Variants in NELL1 observed in about 807,000 individuals in gnomAD.
NELL1 encodes neural EGFL like 1.
In NELL1, 76 loss-of-function variants were observed where a neutral mutation model predicts 107.4. The ratio of observed to expected loss-of-function variants is 0.71; its 90% CI spans 0.59 to 0.86. The LOEUF is 0.86. Among genes scored for constraint, NELL1 ranks in the 40% least tolerant of loss-of-function variants. The pLI is 0.00. For synonymous variants in NELL1, 353 were observed against 341.2 expected (o/e 1.03, Z -0.38); for missense variants, 1,024 against 1,005.5 (o/e 1.02, Z -0.25).
At chr11:21,087,040 C>T (rs141496207) in intron 12 of NELL1, among the ~76,000 whole-genome samples, 1,936 of 152,036 alleles carry the variant, frequency 0.013, 19 homozygotes, top group Non-Finnish European at 0.02. Flanking sequence ...AGGGTTTCAC[C>T]GTGTTAGCCA....
chr11:21,564,050 G>A (rs1402580849), intron 17 of NELL1, among the ~76,000 whole-genome samples: 1 of 151,922 alleles, frequency 6.6e-6, no homozygotes, highest in African/African-American at 2.4e-5. Flanking sequence ...TGAGCCAGGA[G>A]ATTAAGGCTG....
chr11:21,074,246 C>T (rs953205408), intron 12 of NELL1, among the ~76,000 whole-genome samples: 55 of 152,230 alleles, frequency 3.6e-4, no homozygotes, highest in African/African-American at 1.3e-3. Context: ...TGCATATTAA[C>T]GAGACTCCTG....
chr11:21,364,093 A>C (rs1809766326), intron 14 of NELL1, among the ~76,000 whole-genome samples: 1 of 152,194 alleles, frequency 6.6e-6, no homozygotes, highest in South Asian at 2.1e-4. Flanking sequence ...GCAACATCTC[A>C]ATTTGAAGAT....
chr11:20,912,407 C>T (rs1850151713), intron 5 of NELL1, among the ~76,000 whole-genome samples: 1 of 152,258 alleles, frequency 6.6e-6, no homozygotes. Context: ...TTTTCATTAT[C>T]AGGATGGTTG....
At chr11:21,037,010 T>G (rs1853108841) in intron 12 of NELL1, among the ~76,000 whole-genome samples, 1 of 152,070 alleles carries the variant, frequency 6.6e-6, no homozygotes, top group African/African-American at 2.4e-5. Context: ...GTAGTAATTT[T>G]GGATTGTGAA....
intron 2 of NELL1, among the ~76,000 whole-genome samples, chr11:20,695,861 CT>C (rs1854601145): frequency 6.6e-6 from 1 of 151,720 alleles, no homozygotes; most frequent in Admixed American, 6.6e-5. Context: ...ACCAGCTTTT[CT>C]TTGTACATCT....
chr11:21,063,510 G>A (rs1264540066), intron 12 of NELL1, among the ~76,000 whole-genome samples: 2 of 151,984 alleles, frequency 1.3e-5, no homozygotes, highest in African/African-American at 4.8e-5. Context: ...CATTATCTAG[G>A]GGTCCACCAT....
chr11:21,204,318 T>A (rs1173053772), intron 13 of NELL1, among the ~76,000 whole-genome samples: 1 of 152,056 alleles, frequency 6.6e-6, no homozygotes, highest in Non-Finnish European at 1.5e-5. Flanking sequence ...CTTTTCATTC[T>A]TTTTTCTCTA....
intron 12 of NELL1, among the ~76,000 whole-genome samples, chr11:20,998,906 T>C (rs1852152919): frequency 6.6e-6 from 1 of 152,194 alleles, no homozygotes; most frequent in African/African-American, 2.4e-5. Flanking sequence ...TCAGCCTTTC[T>C]TAAAATGAAA....
intron 2 of NELL1, among the ~76,000 whole-genome samples, chr11:20,725,829 T>C (rs1402191225): frequency 1.3e-5 from 2 of 152,136 alleles, no homozygotes; most frequent in Non-Finnish European, 2.9e-5. Flanking sequence ...TGCTGAGGTT[T>C]GAAGTATGAA....
chr11:20,957,393 C>G (rs552168246), intron 11 of NELL1, among the ~76,000 whole-genome samples: 2 of 152,270 alleles, frequency 1.3e-5, no homozygotes, highest in South Asian at 2.1e-4. Context: ...TGATAGTTCC[C>G]TCAGACCCCT....
At chr11:20,868,507 T>C (rs989728775) in intron 4 of NELL1, among the ~76,000 whole-genome samples, 2 of 152,152 alleles carry the variant, frequency 1.3e-5, no homozygotes, top group African/African-American at 4.8e-5. Flanking sequence ...TGTTACTGAA[T>C]TGTACAATTA....
chr11:21,528,160 G>A lies in NELL1; in HGVS notation c.1646-6214G>A, dbSNP rs150121261. On this transcript the variant is annotated intron_variant, in intron 15 of 19. Transcript: ENST00000357134. ...ATGTGGGGATTATAAGTTACAGAAC[G>A]ATAAATATCACTTGCCTAATGAATG... Among the ~76,000 whole-genome samples the A allele has an allele frequency of 9.5e-3, 1,450 of 152,274 alleles. 20 individuals are homozygous for A. The highest frequency in any genetic ancestry group is 0.033 in the African/African-American group (1,381 of 41,564).
At chr11:20,807,688 G>A (rs540180468) in intron 3 of NELL1, among the ~76,000 whole-genome samples, 29 of 152,312 alleles carry the variant, frequency 1.9e-4, no homozygotes, top group Non-Finnish European at 3.8e-4. Flanking sequence ...GGGAGCCAGG[G>A]CCTGGAGTCA....
Position 21,468,515 on chromosome 11 carries a change from T to C in NELL1, c.1646-65859T>C, listed in dbSNP as rs77482700. Among the ~76,000 whole-genome samples, 165 of 152,160 alleles carry C rather than the reference T, an allele frequency of 1.1e-3. 2 individuals carry two copies. The East Asian group carries it at 0.016, about 15-fold the overall frequency. On this transcript the variant is annotated intron_variant, in intron 15 of 19. Coordinates refer to ENST00000357134, the MANE Select transcript of NELL1 (RefSeq NM_006157.5). ...ACAGTGTGAATTATCTGTACCTCTA[T>C]TGTTAAAAAAAGGTATGAGCATGCC...
chr11:21,459,267 C>T (rs1428167230), intron 15 of NELL1, among the ~76,000 whole-genome samples: 1 of 149,104 alleles, frequency 6.7e-6, no homozygotes. Context: ...GTTCACAAAA[C>T]CATGTGCTAT....
intron 12 of NELL1, among the ~76,000 whole-genome samples, chr11:21,088,283 T>C (rs764864919): frequency 6.6e-6 from 1 of 152,186 alleles, no homozygotes; most frequent in African/African-American, 2.4e-5. Context: ...TAAACTGATA[T>C]TGACAGAGTG....
At chr11:21,029,709 GAGA>G (rs909252138) in intron 12 of NELL1, among the ~76,000 whole-genome samples, 6 of 152,080 alleles carry the variant, frequency 3.9e-5, no homozygotes, top group Admixed American at 1.3e-4. Flanking sequence ...GTACAAGCAG[GAGA>G]AGAAGAAGAG....
At chr11:21,477,003 A>C (rs2133894024) in intron 15 of NELL1, among the ~76,000 whole-genome samples, 1 of 152,232 alleles carries the variant, frequency 6.6e-6, no homozygotes, top group Middle Eastern at 3.4e-3. Flanking sequence ...TGGTGTCCTA[A>C]ATAAACTTGA....
Sources: gnomAD v4.1 joint callset for allele counts (sites outside exome capture counted in the v4.1 genomes callset) on GRCh38, gnomAD v4.1.1 for gene constraint, MANE v1.5 for transcripts, NCBI Gene and HGNC (gene_info 2026-07-23, HGNC 2026-07-21) for gene names.